Variants in SNRPN observed in about 807,000 individuals in gnomAD.
The protein encoded by SNRPN is small nuclear ribonucleoprotein-associated protein N.
Under a neutral mutation model 25.2 loss-of-function variants are expected in SNRPN, and 7 were observed. The observed-to-expected ratio is 0.28, with a 90% CI of 0.16 to 0.52. The LOEUF (loss-of-function observed/expected upper bound fraction) is 0.52. SNRPN is among the 20% of genes least tolerant of loss of function. The pLI is 0.96. For synonymous variants in SNRPN, 124 were observed against 110.6 expected (o/e 1.12, Z -0.76); for missense variants, 196 against 322.5 (o/e 0.61, Z 3.00).
intron 1 of SNRPN, among the ~76,000 whole-genome samples, chr15:24,874,347 A>G (rs1016805501): frequency 4.0e-5 from 6 of 149,220 alleles, no homozygotes; most frequent in Admixed American, 2.7e-4. Flanking sequence ...AGAGTGGCAG[A>G]CCAAAAACGA....
chr15:24,904,447 G>A (rs2058668664), intron 2 of SNRPN, among the ~76,000 whole-genome samples: 1 of 152,126 alleles, frequency 6.6e-6, no homozygotes. Flanking sequence ...CTGAGGTTAG[G>A]AGCTCAAGAC....
At chr15:24,883,593 C>A (rs1345535603) in intron 1 of SNRPN, among the ~76,000 whole-genome samples, 1 of 152,232 alleles carries the variant, frequency 6.6e-6, no homozygotes, top group African/African-American at 2.4e-5. Flanking sequence ...ATCTTACACT[C>A]TATCATTTCA....
intron 3 of SNRPN, among the ~76,000 whole-genome samples, chr15:24,969,300 T>TGTATTTTTG (rs1367654101): frequency 6.6e-6 from 1 of 152,130 alleles, no homozygotes; most frequent in Non-Finnish European, 1.5e-5. Context: ...GGCTAATTTT[T>TGTATTTTTG]GTATTTTTGG....
chr15:24,942,576 A>G (rs1319872475), intron 3 of SNRPN: 2 of 152,258 alleles, frequency 1.3e-5, no homozygotes, highest in Non-Finnish European at 2.9e-5. Context: ...TGGTTAAGGC[A>G]TTTTGTGATT....
At chr15:24,966,773 A>C (rs2153562136) in intron 2 of SNRPN, among the ~76,000 whole-genome samples, 1 of 152,226 alleles carries the variant, frequency 6.6e-6, no homozygotes, top group Admixed American at 6.5e-5. Context: ...TTACTGAAAA[A>C]CCATAGAAAA....
intron 3 of SNRPN, among the ~76,000 whole-genome samples, chr15:24,932,539 C>T (rs925610927): frequency 1.3e-5 from 2 of 151,380 alleles, no homozygotes; most frequent in African/African-American, 2.4e-5. Flanking sequence ...CAGCGTAAGA[C>T]CTAGTTGAGA....
chr15:24,974,617 AT>A, intron 4 of SNRPN, 161 bp downstream of exon 4: 1 of 735,924 alleles, frequency 1.4e-6, no homozygotes, highest in South Asian at 1.6e-5. Context: ...AGATGAGCTG[AT>A]TTTTTTATTT....
chr15:24,889,163 C>G (rs2150321997), intron 2 of SNRPN, among the ~76,000 whole-genome samples: 1 of 152,226 alleles, frequency 6.6e-6, no homozygotes, highest in South Asian at 2.1e-4. Flanking sequence ...GGTGATCCAC[C>G]CACCTTGGCC....
intron 1 of SNRPN, among the ~76,000 whole-genome samples, chr15:24,873,311 T>G (rs1416757004): frequency 8.7e-6 from 1 of 115,316 alleles, no homozygotes; most frequent in African/African-American, 3.0e-5. Context: ...AAATCAAGAC[T>G]CTTCTTTTGT....
chr15:24,895,686 G>A (rs562623929), intron 2 of SNRPN, among the ~76,000 whole-genome samples: 7 of 152,226 alleles, frequency 4.6e-5, no homozygotes, highest in East Asian at 1.9e-4. Context: ...ACGTTCTGCC[G>A]TTACAAAGGT....
chr15:24,964,480 G>A (rs2075329482), intron 2 of SNRPN, among the ~76,000 whole-genome samples: 1 of 152,042 alleles, frequency 6.6e-6, no homozygotes, highest in Non-Finnish European at 1.5e-5. Context: ...TTTTAGTAGA[G>A]ACAGGGTTTC....
upstream of SNRPN, among the ~76,000 whole-genome samples, chr15:24,951,217 T>C (rs974705022): frequency 1.3e-5 from 2 of 152,038 alleles, no homozygotes; most frequent in Non-Finnish European, 2.9e-5. Flanking sequence ...ATATGGTAAC[T>C]TCAGGGTTAA....
At chr15:24,965,873 T>A (rs181542864) in intron 2 of SNRPN, among the ~76,000 whole-genome samples, 251 of 115,854 alleles carry the variant, frequency 2.2e-3, no homozygotes, top group Admixed American at 5.4e-3. Flanking sequence ...TTATATATAT[T>A]TTTTTTTACT....
At chr15:24,946,339 C>T (rs921118735) in intron 3 of SNRPN, among the ~76,000 whole-genome samples, 12 of 151,958 alleles carry the variant, frequency 7.9e-5, no homozygotes, top group Admixed American at 2.6e-4. Flanking sequence ...CCTAGGAGGT[C>T]GAGGCTGCAG....
intron 2 of SNRPN, among the ~76,000 whole-genome samples, chr15:24,834,747 C>A (rs1408938597): frequency 1.3e-4 from 10 of 74,084 alleles, no homozygotes; most frequent in Non-Finnish European, 2.6e-4. Context: ...CTCTCTCTCT[C>A]TCTCTATATA....
At chr15:24,960,792 T>C (rs1291811548) in intron 1 of SNRPN, among the ~76,000 whole-genome samples, 3 of 152,206 alleles carry the variant, frequency 2.0e-5, no homozygotes, top group Non-Finnish European at 2.9e-5. Context: ...AAAAAATACT[T>C]TTTTGAGGTG....
At chr15:24,978,133 A>G in intron 8 of SNRPN, 60 bp from the exon 9 acceptor site, 1 of 1,559,014 alleles carries the variant, frequency 6.4e-7, no homozygotes, top group South Asian at 1.1e-5. Context: ...TATTTGGGCT[A>G]AATTCTAACT....
At chr15:24,867,416 C>A (rs1437983593) in intron 1 of SNRPN, among the ~76,000 whole-genome samples, 1 of 151,790 alleles carries the variant, frequency 6.6e-6, no homozygotes, top group Non-Finnish European at 1.5e-5. Context: ...ACTCTGTCGC[C>A]CAGGCTGGAG....
chr15:24,896,646 G>A (rs1367578990), intron 2 of SNRPN, among the ~76,000 whole-genome samples: 3 of 151,940 alleles, frequency 2.0e-5, no homozygotes, highest in South Asian at 2.1e-4. Flanking sequence ...CCTGGGAGGC[G>A]GAGCTTGCAG....
Sources: allele counts gnomAD v4.1 joint callset (sites outside exome capture counted in the v4.1 genomes callset), GRCh38; gene constraint gnomAD v4.1.1; transcripts MANE v1.5; gene names NCBI Gene and HGNC (gene_info 2026-07-23, HGNC 2026-07-21).